WDR13: variants seen among roughly 807,000 people sequenced by gnomAD.
WDR13 encodes WD repeat domain 13, also known as WD repeat-containing protein 13.
In WDR13, 1 loss-of-function variant was observed where a neutral mutation model predicts 28.6. The ratio of observed to expected loss-of-function variants is 0.03; its 90% confidence interval spans 0.01 to 0.17. The LOEUF (loss-of-function observed/expected upper bound fraction) is 0.17. Among genes scored for constraint, WDR13 ranks in the 10% least tolerant of loss-of-function variants. WDR13 has a pLI of 1.00. For synonymous variants in WDR13, 201 were observed against 185.9 expected, an observed-to-expected ratio of 1.08 and a Z score of -0.66; for missense variants, 264 against 469.3, an observed-to-expected ratio of 0.56 and a Z score of 4.04.
chrX:48,604,820 C>T (rs1240710990), intron 9 of WDR13, 28 bp from the exon 10 acceptor site: 5 of 1,194,524 alleles, frequency 4.2e-6, no homozygotes, highest in East Asian at 3.0e-5. Context: ...AGGCGCCTCC[C>T]GATGGCCTCT....
chrX:48,602,036 C>T, intron 7 of WDR13, 29 bp from the exon 8 acceptor site: 1 of 1,206,972 alleles, frequency 8.3e-7, no homozygotes, highest in Non-Finnish European at 1.1e-6. Flanking sequence ...TCACCCTCAC[C>T]TTTGCCTTCC....
At chrX:48,600,738 AC>A in intron 6 of WDR13, 112 bp downstream of exon 6, 1 of 809,718 alleles carries the variant, frequency 1.2e-6, no homozygotes, top group Non-Finnish European at 1.7e-6. Flanking sequence ...GGACCCCCCC[AC>A]CCCCCACCCA....
chrX:48,602,737 C>T (rs1602148619), intron 8 of WDR13, among the ~76,000 whole-genome samples: 1 of 110,459 alleles, frequency 9.1e-6, no homozygotes, highest in Middle Eastern at 4.6e-3. Context: ...TTGAGAAATT[C>T]CCTAAGCAAT....
chrX:48,604,713 C>T (rs1181444490), intron 9 of WDR13, 135 bp from the exon 10 acceptor site: 15 of 745,706 alleles, frequency 2.0e-5, no homozygotes, highest in Non-Finnish European at 2.9e-5. Flanking sequence ...GGATGGGGCC[C>T]CCTCAAACCT....
intron 6 of WDR13, among the ~76,000 whole-genome samples, chrX:48,601,521 G>A (rs1232591097): frequency 1.8e-5 from 2 of 112,420 alleles, no homozygotes; most frequent in Non-Finnish European, 3.8e-5. Context: ...TTCTCACACT[G>A]TAGGAGGACT....
In WDR13 at chrX:48,600,515, C is replaced by G; in HGVS notation, c.720C>G (p.Thr240=). ...DILVSTSLDA[T]MRIWASEDGR... ...TCGTGTCCACCTCACTGGATGCCAC[C>G]ATGCGCATCTGGGCCTCTGAGGATG... Residue 240 remains threonine (T), a synonymous_variant, in exon 6 of 10, where the codon ACC becomes ACG. Transcript: ENST00000376729. The G allele has an allele frequency of 1.6e-6, 2 of 1,212,250 alleles. No individual in the cohort carries two copies. Among genetic ancestry groups the G allele is most frequent in the Non-Finnish European group, 2.2e-6 (2 of 895,590 alleles).
Position 48,606,855 on chromosome X carries a change from C to G in WDR13, c.*1823C>G, listed in dbSNP as rs782426935. On this transcript the variant is annotated 3_prime_UTR_variant, in exon 10 of 10. Coordinates refer to ENST00000376729, the MANE Select transcript of WDR13 (RefSeq NM_001347217.2). The stretch of plus-strand genomic sequence containing the variant: ...GCATTGCTGAGCTGCTGAACTCGCA[C>G]CAACAGTCTTGTTGGAGGGAAATAA... The G allele has an allele frequency of 8.9e-6, 1 of 111,996 alleles. No individual in the cohort carries two copies. The highest frequency in any genetic ancestry group is 1.9e-5 in the Non-Finnish European group (1 of 53,193). The allele number at this position is 111,996 out of a possible 1,213,427, so 9.2% of individuals were successfully genotyped here.
At chrX:48,604,499 C>G (rs1235830184) in intron 9 of WDR13, 109 bp downstream of exon 9, 1 of 626,276 alleles carries the variant, frequency 1.6e-6, no homozygotes, top group Non-Finnish European at 2.5e-6. Flanking sequence ...CTTCCTGGAC[C>G]TCATGACCCC....
At position 48,602,059 on chromosome X, in the gene WDR13, C is replaced by A. The variant is rs782287816; in HGVS notation, c.1013-6C>A. On this transcript the variant is annotated splice_polypyrimidine_tract_variant and splice_region_variant and intron_variant, in intron 7 of 9. Transcript: ENST00000376729. ...ACCTTTGCCTTCCCTCCCTCTGCTGCTGCAGGGAAGCTGACCAAAGCCAAG... is the reference window on the plus strand; with the variant it reads ...ACCTTTGCCTTCCCTCCCTCTGCTGATGCAGGGAAGCTGACCAAAGCCAAG... 12 of 1,208,644 alleles carry A rather than the reference C, an allele frequency of 9.9e-6. No individual in the cohort carries two copies. Among genetic ancestry groups the A allele is most frequent in the Admixed American group, 2.2e-5 (1 of 45,777 alleles).
rs1556993169 is a variant in WDR13, at chrX:48,598,058, C to G, written c.41+21C>G. 5.2e-6 allele frequency: 6 copies of G among 1,162,157 alleles called. No homozygotes were observed. In the South Asian group the frequency reaches 1.2e-4, roughly 22 times the overall value. On this transcript the variant is annotated intron_variant, in intron 2 of 9. Coordinates refer to ENST00000376729, the MANE Select transcript of WDR13 (RefSeq NM_001347217.2). ...GCGAGGTGAGGCGTGGGGTCAAAGCCCATGGGAGCAGAACTTACTGTGGTG... is the reference window on the plus strand; with the variant it reads ...GCGAGGTGAGGCGTGGGGTCAAAGCGCATGGGAGCAGAACTTACTGTGGTG...
chrX:48,600,452 T>C lies in WDR13; in HGVS notation c.657T>C (p.Gly219=), dbSNP rs782568484. The stretch of plus-strand genomic sequence containing the variant: ...GCGTGCTACGGGGCCACACCCGTGG[T>C]GTCTCCGACTTCGCCTGGTCCCTCT... ...VLRVLRGHTR[G]VSDFAWSLSN... The change falls in exon 6 of 10, where the codon GGT becomes GGC. Residue 219 remains glycine (G), a synonymous_variant. Transcript: ENST00000376729. 7 of 1,212,438 alleles carry C rather than the reference T, an allele frequency of 5.8e-6. No individual in the cohort carries two copies. The highest frequency in any genetic ancestry group is 7.8e-6 in the Non-Finnish European group (7 of 895,697).
At chrX:48,600,279 G>A (rs2147223332) in intron 5 of WDR13, 40 bp from the exon 6 acceptor site, 1 of 1,154,774 alleles carries the variant, frequency 8.7e-7, no homozygotes, top group Non-Finnish European at 1.2e-6. Flanking sequence ...AGTGCCCAGT[G>A]AGTGTGCAGA....
At chrX:48,599,794 A>T (rs2062171458) in intron 5 of WDR13, 77 bp downstream of exon 5, 2 of 1,167,721 alleles carry the variant, frequency 1.7e-6, no homozygotes, top group Non-Finnish European at 2.3e-6. Flanking sequence ...TCCTTTTCTG[A>T]ATCCAAGGCC....
intron 8 of WDR13, among the ~76,000 whole-genome samples, chrX:48,603,529 T>C (rs2062201598): frequency 9.0e-6 from 1 of 111,674 alleles, no homozygotes; most frequent in Admixed American, 9.5e-5. Flanking sequence ...GCGCCTATAA[T>C]CCCAGCTACT....
At position 48,605,646 on chromosome X, in the gene WDR13, G is replaced by C. The variant is rs1427880728; in HGVS notation, c.*614G>C. ...AGTGGCATGACCATAGCTCACTGCA[G>C]CCTCAACCTCCAGGGCTCAAGTGAT... is the stretch of plus-strand genomic sequence containing the variant. On this transcript the variant is annotated 3_prime_UTR_variant, in exon 10 of 10. Transcript: ENST00000376729. 1.8e-5 allele frequency: 2 copies of C among 111,606 alleles called. No homozygotes were observed. The highest frequency in any genetic ancestry group is 3.7e-5 in the Non-Finnish European group (2 of 53,352). 9.2% of individuals were successfully genotyped at this position (111,606 alleles called of 1,213,427 possible).
At position 48,598,717 on chromosome X, in the gene WDR13, G is replaced by A; in HGVS notation, c.42G>A (p.Arg14=). 1 of 1,186,696 alleles carries A rather than the reference G, an allele frequency of 8.4e-7. No individual in the cohort carries two copies. Among genetic ancestry groups the A allele is most frequent in the Non-Finnish European group, 1.1e-6 (1 of 880,193 alleles). ...VWQQVLAVDA[R]YNAYRTPTFP... ...CCTGCCCTGCATCCTGACCCTGCAG[G>A]TACAACGCGTACCGCACACCAACGT... The change falls in exon 3 of 10, where the codon AGG becomes AGA. Residue 14 remains arginine, a splice_region_variant and synonymous_variant. Transcript: ENST00000376729.
intron 5 of WDR13, 147 bp from the exon 6 acceptor site, chrX:48,600,172 C>T: frequency 1.0e-5 from 6 of 578,647 alleles, no homozygotes; most frequent in Non-Finnish European, 1.1e-5. Flanking sequence ...TTACAGTTCC[C>T]TTTGTCAGCC....
intron 6 of WDR13, among the ~76,000 whole-genome samples, chrX:48,601,346 C>G (rs1455161557): frequency 8.9e-6 from 1 of 112,471 alleles, no homozygotes; most frequent in African/African-American, 3.2e-5. Context: ...ATTAGAAAGT[C>G]TGGTGTGGCC....
rs374106808 is a variant in WDR13, at chrX:48,605,039, G to A, written c.*7G>A. 1.2e-5 allele frequency: 14 copies of A among 1,194,815 alleles called. No individual in the cohort carries two copies. The highest frequency in any genetic ancestry group is 7.0e-5 in the African/African-American group (4 of 56,786). ...GAGGCGGGAGCAGAAGTAGGGTCCT[G>A]TCGGCCCTGCTGCTGTCCTCCATCC... On this transcript the variant is annotated 3_prime_UTR_variant, in exon 10 of 10. Coordinates refer to ENST00000376729, the MANE Select transcript of WDR13 (RefSeq NM_001347217.2).
Sources: allele counts gnomAD v4.1 joint callset (sites outside exome capture counted in the v4.1 genomes callset), GRCh38; gene constraint gnomAD v4.1.1; transcripts MANE v1.5; gene names NCBI Gene and HGNC (gene_info 2026-07-23, HGNC 2026-07-21).